The following TEX11 variants were observed in gnomAD, a reference collection of about 807,000 sequenced individuals.
TEX11 encodes testis expressed 11.
A neutral mutation model predicts 84.4 loss-of-function variants in TEX11; 7 were observed. The observed-to-expected ratio is 0.08, with a 90% CI of 0.05 to 0.16. TEX11 has a LOEUF of 0.16. TEX11 is among the 10% of genes least tolerant of loss of function. TEX11 has a pLI of 1.00. For synonymous variants in TEX11, 264 were observed against 222.8 expected (o/e 1.18, Z -1.64); for missense variants, 551 against 660.5 (o/e 0.83, Z 1.82).
the TEX11 span, among the ~76,000 whole-genome samples, chrX:70,514,062 A>T: frequency 4.6e-5 from 5 of 109,428 alleles, no homozygotes; most frequent in African/African-American, 1.7e-4. Context: ...TTTGACTACA[A>T]AAATGGTGAC....
At chrX:70,752,524 C>CAAAAAAAA (rs753939405) in intron 9 of TEX11, among the ~76,000 whole-genome samples, 1 of 28,187 alleles carries the variant, frequency 3.5e-5, no homozygotes, top group African/African-American at 1.2e-4. Context: ...TACTCTGTCT[C>CAAAAAAAA]AAAAAAAAAA....
chrX:70,525,541 C>T (rs917147613), downstream of TEX11, among the ~76,000 whole-genome samples: 1 of 107,442 alleles, frequency 9.3e-6, no homozygotes, highest in Non-Finnish European at 1.9e-5. Flanking sequence ...GAGCTGAGAT[C>T]GCACCACTGC....
At chrX:70,639,977 C>T (rs936838254) in intron 17 of TEX11, among the ~76,000 whole-genome samples, 10 of 110,232 alleles carry the variant, frequency 9.1e-5, no homozygotes, top group African/African-American at 3.3e-4. Flanking sequence ...ATCTGAGCTA[C>T]GGGAGGACAT....
chrX:70,566,577 C>CT (rs1336779432), intron 25 of TEX11, among the ~76,000 whole-genome samples: 1 of 111,255 alleles, frequency 9.0e-6, no homozygotes, highest in African/African-American at 3.3e-5. Flanking sequence ...AAATACATCC[C>CT]ATCAATACCT....
intron 9 of TEX11, among the ~76,000 whole-genome samples, chrX:70,775,654 G>A (rs1376399634): frequency 1.8e-5 from 2 of 108,414 alleles, no homozygotes; most frequent in African/African-American, 6.7e-5. Flanking sequence ...ACAAAAATTA[G>A]CTGGGTGTGG....
chrX:70,561,570 T>C (rs980313891), intron 25 of TEX11, among the ~76,000 whole-genome samples: 5 of 108,285 alleles, frequency 4.6e-5, no homozygotes, highest in African/African-American at 1.3e-4. Flanking sequence ...GTATTTTTAG[T>C]AGAGACGGGG....
At chrX:70,622,892 A>G (rs1010177177) in intron 20 of TEX11, among the ~76,000 whole-genome samples, 1 of 112,056 alleles carries the variant, frequency 8.9e-6, no homozygotes, top group Non-Finnish European at 1.9e-5. Context: ...GAGATAAGCA[A>G]TCTTTTAAAA....
At chrX:70,818,149 C>A (rs1437251814) in intron 8 of TEX11, among the ~76,000 whole-genome samples, 1 of 110,407 alleles carries the variant, frequency 9.1e-6, no homozygotes, top group African/African-American at 3.3e-5. Flanking sequence ...ATTATCCAGG[C>A]GTGGTGACGC....
At chrX:70,682,909 G>A in intron 13 of TEX11, 84 bp from the exon 14 acceptor site, 1 of 922,648 alleles carries the variant, frequency 1.1e-6, no homozygotes, top group Non-Finnish European at 1.5e-6. Flanking sequence ...TTCAGTGTGA[G>A]CAAAATAAGC....
the TEX11 span, among the ~76,000 whole-genome samples, chrX:70,520,102 C>T: frequency 8.9e-6 from 1 of 111,912 alleles, no homozygotes; most frequent in African/African-American, 3.2e-5. Context: ...TACCGACCTT[C>T]CGAAGCCTAG....
intron 9 of TEX11, among the ~76,000 whole-genome samples, chrX:70,786,891 G>A (rs370948023): frequency 1.1e-4 from 12 of 111,853 alleles, no homozygotes; most frequent in East Asian, 5.6e-4. Flanking sequence ...TCCCAGCACC[G>A]TGGGAGGCCA....
chrX:70,885,464 CAAG>C (rs1465544445), intron 2 of TEX11, among the ~76,000 whole-genome samples: 1 of 111,392 alleles, frequency 9.0e-6, no homozygotes, highest in East Asian at 2.8e-4. Flanking sequence ...AAAATTTCTC[CAAG>C]AAGATATACA....
At chrX:70,639,840 G>T (rs773674065) in intron 17 of TEX11, among the ~76,000 whole-genome samples, 27 of 110,621 alleles carry the variant, frequency 2.4e-4, no homozygotes, top group African/African-American at 8.5e-4. Flanking sequence ...AGAAAAACTG[G>T]AAACTCTAAA....
chrX:70,902,924 T>A (rs1037805644), intron 2 of TEX11, among the ~76,000 whole-genome samples: 1 of 112,341 alleles, frequency 8.9e-6, no homozygotes, highest in Non-Finnish European at 1.9e-5. Context: ...TTCTATAAGC[T>A]TTTTTCTGTT....
At chrX:70,577,523 C>T (rs1169377904) in intron 25 of TEX11, among the ~76,000 whole-genome samples, 1 of 110,643 alleles carries the variant, frequency 9.0e-6, no homozygotes, top group African/African-American at 3.3e-5. Context: ...AAAAGTAAAA[C>T]TGGAAGCAGC....
chrX:70,733,746 C>T (rs949374231), intron 11 of TEX11, among the ~76,000 whole-genome samples: 3 of 111,604 alleles, frequency 2.7e-5, no homozygotes, highest in Admixed American at 9.5e-5. Flanking sequence ...GTCAGTGTGG[C>T]GATTCCTCAG....
chrX:70,666,301 A>G (rs1013723120), intron 16 of TEX11, among the ~76,000 whole-genome samples: 1 of 112,180 alleles, frequency 8.9e-6, no homozygotes, highest in South Asian at 3.8e-4. Flanking sequence ...CTAGGCTTTG[A>G]AAAGGGAATT....
intron 5 of TEX11, among the ~76,000 whole-genome samples, chrX:70,856,311 C>T (rs756813912): frequency 1.8e-5 from 2 of 110,381 alleles, no homozygotes; most frequent in East Asian, 2.8e-4. Context: ...AAGAAAATGG[C>T]GGAATGAGGG....
At chrX:70,851,997 T>C (rs911862841) in intron 7 of TEX11, among the ~76,000 whole-genome samples, 17 of 111,962 alleles carry the variant, frequency 1.5e-4, no homozygotes, top group African/African-American at 5.2e-4. Context: ...GAATGACTGC[T>C]AATGCTGATG....
Sources: allele counts gnomAD v4.1 joint callset (sites outside exome capture counted in the v4.1 genomes callset), GRCh38; gene constraint gnomAD v4.1.1; transcripts MANE v1.5; gene names NCBI Gene and HGNC (gene_info 2026-07-23, HGNC 2026-07-21).